The following ATP5F1C variants were observed in gnomAD, a reference collection of about 807,000 sequenced individuals.
The protein encoded by ATP5F1C is ATP synthase F(1) complex subunit gamma, mitochondrial.
Under a neutral mutation model 37.4 loss-of-function variants are expected in ATP5F1C, and 22 were observed. That is an observed-to-expected ratio of 0.59 (90% CI 0.42 to 0.84). The LOEUF is 0.84. Ranked by LOEUF, ATP5F1C falls within the 40% of genes least tolerant of loss-of-function variation. The pLI, the probability that ATP5F1C is intolerant of heterozygous loss-of-function variation, is 0.00. For synonymous variants in ATP5F1C, 121 were observed against 128.0 expected, an observed-to-expected ratio of 0.95 and a Z score of 0.37; for missense variants, 286 against 362.4, an observed-to-expected ratio of 0.79 and a Z score of 1.71.
chr10:7,795,472 T>A (rs1298519119), intron 1 of ATP5F1C, among the ~76,000 whole-genome samples: 1 of 152,200 alleles, frequency 6.6e-6, no homozygotes, highest in Non-Finnish European at 1.5e-5. Context: ...TTTTGACTTC[T>A]GCACATTAGC....
Position 7,802,779 on chromosome 10 carries a change from C to T in ATP5F1C, c.815C>T (p.Thr272Ile). The T allele has an allele frequency of 6.2e-7, 1 of 1,613,740 alleles. No individual in the cohort carries two copies. The highest frequency in any genetic ancestry group is 1.3e-5 in the African/African-American group (1 of 75,008). Residue 272 changes from threonine (T) to isoleucine (I), a missense_variant, in exon 8 of 10, where the codon ACA becomes ATA. Transcript: ENST00000356708. ...KNASEMIDKL[T>I]LTFNRTRQAV... ...GTAGCTGAGATGATTGACAAATTGA[C>T]ATTGACATTCAACCGTACCCGCCAA... is the stretch of plus-strand genomic sequence containing the variant.
rs1836380708 is a variant in ATP5F1C, at chr10:7,802,267, C to A, written c.638-3C>A. 1 of 1,599,614 alleles carries A rather than the reference C, an allele frequency of 6.3e-7. No homozygotes were observed. The highest frequency in any genetic ancestry group is 1.8e-5 in the Admixed American group (1 of 56,496). On this transcript the variant is annotated splice_polypyrimidine_tract_variant and splice_region_variant and intron_variant, in intron 6 of 9. Coordinates refer to ENST00000356708, the MANE Select transcript of ATP5F1C (RefSeq NM_001001973.3). ...GAAAGAAACTCATCACTTGTTTTAA[C>A]AGACAGCATGAGTATCTATGACGAT...
At chr10:7,796,863 C>T (rs1298495920) in intron 2 of ATP5F1C, 184 bp from the exon 3 acceptor site, 14 of 543,484 alleles carry the variant, frequency 2.6e-5, no homozygotes, top group Non-Finnish European at 3.7e-5. Flanking sequence ...GGATTACAGG[C>T]GTGAGCCACC....
intron 1 of ATP5F1C, among the ~76,000 whole-genome samples, chr10:7,794,803 T>C (rs1348684050): frequency 2.6e-5 from 4 of 152,218 alleles, no homozygotes; most frequent in Non-Finnish European, 5.9e-5. Context: ...ATGAGAGATA[T>C]TAGTCACTGT....
intron 1 of ATP5F1C, among the ~76,000 whole-genome samples, chr10:7,790,699 C>T (rs1044608006): frequency 6.6e-6 from 1 of 152,222 alleles, no homozygotes; most frequent in African/African-American, 2.4e-5. Flanking sequence ...CTGTAGCCAG[C>T]CCTGAAGGGC....
At position 7,807,766 on chromosome 10, in the gene ATP5F1C, TG is replaced by T; in HGVS notation, c.*139del. 1.6e-6 allele frequency: 2 copies of T among 1,267,502 alleles called. No homozygotes were observed. Among genetic ancestry groups the T allele is most frequent in the Non-Finnish European group, 2.2e-6 (2 of 911,702 alleles). The allele number at this position is 1,267,502 out of a possible 1,614,324, so 78.5% of individuals were successfully genotyped here. ...GAATTACTGAAGACAGCAAGATATTTGTAAATTATCTTAAAATAAACAACTT... is the reference window on the plus strand; with the variant it reads ...GAATTACTGAAGACAGCAAGATATTTTAAATTATCTTAAAATAAACAACTT... On this transcript the variant is annotated 3_prime_UTR_variant, in exon 10 of 10. Transcript: ENST00000356708.
rs905311076 is a variant in ATP5F1C at position 7,799,929 on chromosome 10, A to T, written c.572+14A>T. 1 of 1,607,846 alleles carries T rather than the reference A, an allele frequency of 6.2e-7. No individual in the cohort carries two copies. Among genetic ancestry groups the T allele is most frequent in the African/African-American group, 1.3e-5 (1 of 74,506 alleles). The stretch of plus-strand genomic sequence containing the variant: ...TAATAAATTCAGGCAAGACAGATTT[A>T]GAAATCAAAGCTTTTTTATGTTCAT... On this transcript the variant is annotated intron_variant, in intron 5 of 9. Coordinates refer to ENST00000356708, the MANE Select transcript of ATP5F1C (RefSeq NM_001001973.3).
rs1836377750 is a variant in ATP5F1C, at chr10:7,802,152, T to A, written c.638-118T>A. On this transcript the variant is annotated intron_variant, in intron 6 of 9. Transcript: ENST00000356708. ...ATTATTAGAACAGATTCATTTACCT[T>A]ATCTAGCATTAATTTCTGCTCTGTA... is the stretch of plus-strand genomic sequence containing the variant. 14 of 1,011,762 alleles carry A rather than the reference T, an allele frequency of 1.4e-5. No individual in the cohort carries two copies. In the South Asian group the frequency reaches 2.4e-4, roughly 17 times the overall value. The allele number at this position is 1,011,762 out of a possible 1,614,324, so 62.7% of individuals were successfully genotyped here. A position where few individuals can be genotyped will look rare whatever the true frequency, so the allele number is the denominator to read the frequency against.
Position 7,799,841 on chromosome 10 carries a change from G to A in ATP5F1C, c.498G>A (p.Ala166=), listed in dbSNP as rs781584085. Residue 166 remains alanine (A), a synonymous_variant, in exon 5 of 10, where the codon GCG becomes GCA. Coordinates refer to ENST00000356708, the MANE Select transcript of ATP5F1C (RefSeq NM_001001973.3). ...GAAAGCCCCCCACTTTTGGAGATGC[G>A]TCAGTCATTGCCCTTGAATTACTAA... is the stretch of plus-strand genomic sequence containing the variant. ...VGRKPPTFGD[A]SVIALELLNS... 11 of 1,614,040 alleles carry A rather than the reference G, an allele frequency of 6.8e-6. No individual in the cohort carries two copies. Among genetic ancestry groups the A allele is most frequent in the East Asian group, 2.2e-5 (1 of 44,890 alleles).
chr10:7,797,642 G>T (rs1836265299), intron 3 of ATP5F1C, among the ~76,000 whole-genome samples: 1 of 152,142 alleles, frequency 6.6e-6, no homozygotes, highest in Non-Finnish European at 1.5e-5. Flanking sequence ...GGCATTTTAG[G>T]ACTGCAGCGG....
chr10:7,805,467 G>A (rs1442712495), intron 8 of ATP5F1C, among the ~76,000 whole-genome samples: 1 of 151,918 alleles, frequency 6.6e-6, no homozygotes, highest in African/African-American at 2.4e-5. Context: ...AGGAAACCTG[G>A]CCGGGCGCAG....
At chr10:7,803,622 A>C (rs767659651) in intron 8 of ATP5F1C, among the ~76,000 whole-genome samples, 1 of 152,090 alleles carries the variant, frequency 6.6e-6, no homozygotes, top group Non-Finnish European at 1.5e-5. Flanking sequence ...TTGTTGAAAA[A>C]CTTTAATGTT....
chr10:7,799,690 A>T (rs565000511), intron 4 of ATP5F1C, 82 bp from the exon 5 acceptor site: 3 of 1,519,334 alleles, frequency 2.0e-6, no homozygotes, highest in African/African-American at 2.8e-5. Flanking sequence ...CATGGTGACA[A>T]TGTTTTCTCC....
intron 1 of ATP5F1C, 55 bp downstream of exon 1, chr10:7,788,318 C>T (rs545602410): frequency 9.4e-6 from 15 of 1,598,212 alleles, no homozygotes; most frequent in African/African-American, 2.7e-5. Flanking sequence ...AGAGCTTGGG[C>T]ACGGGGCAGG....
At chr10:7,806,326 T>C (rs1836479717) in intron 8 of ATP5F1C, among the ~76,000 whole-genome samples, 1 of 152,172 alleles carries the variant, frequency 6.6e-6, no homozygotes, top group Non-Finnish European at 1.5e-5. Context: ...GAGTAAACCA[T>C]AGTATTCGAG....
chr10:7,802,589 T>C (rs1352017491), intron 7 of ATP5F1C, among the ~76,000 whole-genome samples, 164 bp downstream of exon 7: 3 of 152,220 alleles, frequency 2.0e-5, no homozygotes, highest in Non-Finnish European at 4.4e-5. Context: ...GCAAGTACTG[T>C]GAAAAGGTAT....
At chr10:7,791,263 G>A (rs879798269) in intron 1 of ATP5F1C, among the ~76,000 whole-genome samples, 1 of 151,968 alleles carries the variant, frequency 6.6e-6, no homozygotes, top group Non-Finnish European at 1.5e-5. Flanking sequence ...TCGTGCCACT[G>A]CATTTCAGCC....
chr10:7,800,384 A>G (rs964579420), intron 6 of ATP5F1C, among the ~76,000 whole-genome samples: 1 of 150,794 alleles, frequency 6.6e-6, no homozygotes, highest in African/African-American at 2.4e-5. Flanking sequence ...TTTAGTAGAG[A>G]CGGGGTTTCA....
At chr10:7,791,157 A>C (rs1420249811) in intron 1 of ATP5F1C, among the ~76,000 whole-genome samples, 2 of 152,178 alleles carry the variant, frequency 1.3e-5, no homozygotes, top group East Asian at 3.9e-4. Flanking sequence ...AAAATTACCC[A>C]GACGTGGTGG....
Sources: gnomAD v4.1 joint callset for allele counts (sites outside exome capture counted in the v4.1 genomes callset) on GRCh38, gnomAD v4.1.1 for gene constraint, MANE v1.5 for transcripts, NCBI Gene and HGNC (gene_info 2026-07-23, HGNC 2026-07-21) for gene names.